The following IGFBPL1 variants were observed in gnomAD, a reference collection of about 807,000 sequenced individuals.
IGFBPL1 encodes insulin like growth factor binding protein like 1, also known as insulin-like growth factor-binding protein-like 1.
IGFBPL1 carries 20 observed loss-of-function variants against 23.9 expected under a neutral mutation model. The ratio of observed to expected loss-of-function variants is 0.84; its 90% CI spans 0.59 to 1.22. The LOEUF (loss-of-function observed/expected upper bound fraction) is 1.22. Among genes scored for constraint, IGFBPL1 ranks in the 50% most tolerant of loss-of-function variants. The pLI, the probability that IGFBPL1 is intolerant of heterozygous loss-of-function variation, is 0.00. For synonymous variants in IGFBPL1, 184 were observed against 171.8 expected, an observed-to-expected ratio of 1.07 and a Z score of -0.56; for missense variants, 436 against 379.3, an observed-to-expected ratio of 1.15 and a Z score of -1.24.
chr9:38,410,354 G>T lies in IGFBPL1; in HGVS notation c.*9+1037C>A, dbSNP rs561319571. Among the ~76,000 whole-genome samples, 12 of 152,186 alleles carry T rather than the reference G, an allele frequency of 7.9e-5. 1 individual carries two copies. In the East Asian group the frequency reaches 2.3e-3, roughly 29 times the overall value. ...AAAAATTAGCCAGGTGTGGTGGCGG[G>T]TGCCTGTAGTCCCAGCTACTCGGGA... On this transcript the variant is annotated intron_variant, in intron 4 of 4. Transcript: ENST00000377694.
At position 38,424,242 on chromosome 9, in the gene IGFBPL1, G is replaced by T. The variant is rs1002964221; in HGVS notation, c.183C>A (p.Asp61Glu). The change falls in exon 1 of 5, where the codon GAC becomes GAA. Residue 61 changes from aspartate to glutamate, a missense_variant. Asp to Glu is a conservative substitution (Grantham distance 45). Coordinates refer to ENST00000377694, the MANE Select transcript of IGFBPL1 (RefSeq NM_001007563.3). Reference sequence around the variant, plus strand: ...GGCAGCGGGCGCAGCAGCCGCACTCGTCGAGCGCCGAGATCCCGGGCGCCG... The same window carrying T: ...GGCAGCGGGCGCAGCAGCCGCACTCTTCGAGCGCCGAGATCCCGGGCGCCG... Reference protein sequence around the residue: ...PCPAPGISALDECGCCARCLG... With the variant: ...PCPAPGISALEECGCCARCLG... 45 of 1,213,426 alleles carry T rather than the reference G, an allele frequency of 3.7e-5. No homozygotes were observed. Among genetic ancestry groups the T allele is most frequent in the Non-Finnish European group, 4.3e-5 (42 of 976,670 alleles). 75.2% of individuals were successfully genotyped at this position (1,213,426 alleles called of 1,614,324 possible). A position where few individuals can be genotyped will look rare whatever the true frequency, so the allele number is the denominator to read the frequency against.
Position 38,408,058 on chromosome 9 carries a change from C to CT in IGFBPL1, c.*1168dup, listed in dbSNP as rs1035005349. ...ACAGTCTGGAGATAACACCTGACCC[C>CT]TTTTTTTACAATTTGATCGTCAGAA... On this transcript the variant is annotated 3_prime_UTR_variant, in exon 5 of 5. Transcript: ENST00000377694. Among the ~76,000 whole-genome samples the CT allele has an allele frequency of 6.6e-5, 10 of 152,046 alleles. No homozygotes were observed. Among genetic ancestry groups the CT allele is most frequent in the East Asian group, 3.9e-4 (2 of 5,170 alleles).
Position 38,408,319 on chromosome 9 carries a change from T to C in IGFBPL1, c.*908A>G, listed in dbSNP as rs1420696249. On this transcript the variant is annotated 3_prime_UTR_variant, in exon 5 of 5. Coordinates refer to ENST00000377694, the MANE Select transcript of IGFBPL1 (RefSeq NM_001007563.3). ...GGGGCATGCCTGTGGTCCCAGCTAC[T>C]CAGGAGGCTGAGGTGGAACGATCAC... Among the ~76,000 whole-genome samples, 1 of 145,918 alleles carries C rather than the reference T, an allele frequency of 6.9e-6. No individual in the cohort carries two copies. Among genetic ancestry groups the C allele is most frequent in the African/African-American group, 2.5e-5 (1 of 39,504 alleles).
chr9:38,414,305 C>T lies in IGFBPL1; in HGVS notation c.461-102G>A, dbSNP rs143633629. The T allele has an allele frequency of 1.7e-4, 115 of 664,588 alleles. No homozygotes were observed. The African/African-American group carries it at 1.9e-3, about 11-fold the overall frequency. The allele number at this position is 664,588 out of a possible 1,614,324, so 41.2% of individuals were successfully genotyped here. A position where few individuals can be genotyped will look rare whatever the true frequency, so the allele number is the denominator to read the frequency against. On this transcript the variant is annotated intron_variant, in intron 1 of 4. Coordinates refer to ENST00000377694, the MANE Select transcript of IGFBPL1 (RefSeq NM_001007563.3). The stretch of plus-strand genomic sequence containing the variant: ...CGGAGAGCCCGCTGTGATGTCCTGA[C>T]ATGAGGGGAGCGGCACATCACGCTT...
rs1393286963 is a variant in IGFBPL1, at chr9:38,408,754, T to C, written c.*473A>G. On this transcript the variant is annotated 3_prime_UTR_variant, in exon 5 of 5. Coordinates refer to ENST00000377694, the MANE Select transcript of IGFBPL1 (RefSeq NM_001007563.3). ...CCAGTTAAAATGCCATACTCACAGA[T>C]GAAGGGACCAGGGCCCAGAGAGGGG... Among the ~76,000 whole-genome samples the C allele has an allele frequency of 2.0e-5, 3 of 152,160 alleles. No individual in the cohort carries two copies. The highest frequency in any genetic ancestry group is 7.2e-5 in the African/African-American group (3 of 41,426).
chr9:38,409,728 A>G (rs929775306), intron 4 of IGFBPL1, among the ~76,000 whole-genome samples: 3 of 152,192 alleles, frequency 2.0e-5, no homozygotes, highest in Non-Finnish European at 4.4e-5. Context: ...CAGGAAGACA[A>G]TTTTAAGACC....
rs1398328644 is a variant in IGFBPL1 at position 38,408,256 on chromosome 9, A to G, written c.*971T>C. Among the ~76,000 whole-genome samples the G allele has an allele frequency of 9.8e-6, 1 of 102,508 alleles. No homozygotes were observed. Among genetic ancestry groups the G allele is most frequent in the East Asian group, 6.3e-4 (1 of 1,580 alleles). The allele number at this position is 102,508 out of a possible 152,430, so 67.2% of individuals were successfully genotyped here. A position where few individuals can be genotyped will look rare whatever the true frequency, so the allele number is the denominator to read the frequency against. On this transcript the variant is annotated 3_prime_UTR_variant, in exon 5 of 5. Transcript: ENST00000377694. The stretch of plus-strand genomic sequence containing the variant: ...ACATAGGGAGACCCTGTCTCTACAA[A>G]AAAAAAAAAAAAAAAAAAAAAAATA...
rs1015503604 is a variant in IGFBPL1 at position 38,422,659 on chromosome 9, C to T, written c.460+1306G>A. 2.6e-5 allele frequency among the ~76,000 whole-genome samples: 4 copies of T among 152,300 alleles called. No homozygotes were observed. The East Asian group carries it at 7.7e-4, about 29-fold the overall frequency. On this transcript the variant is annotated intron_variant, in intron 1 of 4. Coordinates refer to ENST00000377694, the MANE Select transcript of IGFBPL1 (RefSeq NM_001007563.3). ...GGAGCCAGCGGCAGCACAGATGCAC[C>T]CCCAGCCAGCTCTGTCCTCCATGGG...
At chr9:38,412,146 T>C (rs878978923) in intron 3 of IGFBPL1, among the ~76,000 whole-genome samples, 2 of 152,156 alleles carry the variant, frequency 1.3e-5, no homozygotes, top group Admixed American at 1.3e-4. Context: ...CATAACCAGC[T>C]CGCGTCTTTT....
intron 1 of IGFBPL1, among the ~76,000 whole-genome samples, chr9:38,416,494 G>GTATT (rs919390951): frequency 4.6e-5 from 7 of 152,034 alleles, no homozygotes; most frequent in African/African-American, 1.2e-4. Context: ...ATTTAAATTT[G>GTATT]TATTTATTTA....
In IGFBPL1 at chr9:38,413,292, A is replaced by G; in HGVS notation, c.632T>C (p.Ile211Thr). Residue 211 changes from isoleucine to threonine, a missense_variant, in exon 3 of 5, where the codon ATA becomes ACA. Ile to Thr is a moderately conservative substitution (Grantham distance 89, BLOSUM62 -1). Coordinates refer to ENST00000377694, the MANE Select transcript of IGFBPL1 (RefSeq NM_001007563.3). ...AGGGCCCCCTCGCACTTGGACAGCTATATTGACATGGTCCCCAGGCAGCTC... is the reference window on the plus strand; with the variant it reads ...AGGGCCCCCTCGCACTTGGACAGCTGTATTGACATGGTCCCCAGGCAGCTC... ...LEELPGDHVN[I>T]AVQVRGGPSD... 6.2e-7 allele frequency: 1 copy of G among 1,614,136 alleles called. No homozygotes were observed. Among genetic ancestry groups the G allele is most frequent in the Non-Finnish European group, 8.5e-7 (1 of 1,180,002 alleles).
intron 1 of IGFBPL1, among the ~76,000 whole-genome samples, chr9:38,421,581 A>G (rs562108751): frequency 1.3e-5 from 2 of 152,136 alleles, no homozygotes; most frequent in East Asian, 3.9e-4. Flanking sequence ...AGGAGGGGTG[A>G]TTTTATCATG....
intron 1 of IGFBPL1, among the ~76,000 whole-genome samples, chr9:38,419,716 C>A (rs1172628646): frequency 6.6e-6 from 1 of 152,124 alleles, no homozygotes; most frequent in African/African-American, 2.4e-5. Context: ...GTAATGAGAG[C>A]AATAATAATC....
chr9:38,410,267 A>G (rs7848277), intron 4 of IGFBPL1, among the ~76,000 whole-genome samples: 5 of 151,816 alleles, frequency 3.3e-5, no homozygotes, highest in African/African-American at 4.8e-5. Context: ...CGGATCATGA[A>G]GTCGGGAGAT....
Position 38,412,924 on chromosome 9 carries a change from C to T in IGFBPL1, c.687+313G>A, listed in dbSNP as rs532929702. On this transcript the variant is annotated intron_variant, in intron 3 of 4. Coordinates refer to ENST00000377694, the MANE Select transcript of IGFBPL1 (RefSeq NM_001007563.3). Reference sequence around the variant, plus strand: ...GCCCACCCGGATAATCCAGGCTAATCTCCTTATCTTAAATCTCCTTATCTC... The same window carrying T: ...GCCCACCCGGATAATCCAGGCTAATTTCCTTATCTTAAATCTCCTTATCTC... Among the ~76,000 whole-genome samples the T allele has an allele frequency of 2.9e-4, 44 of 152,338 alleles. No individual in the cohort carries two copies. In the South Asian group the frequency reaches 8.7e-3, roughly 30 times the overall value.
At position 38,424,139 on chromosome 9, in the gene IGFBPL1, C is replaced by T. The variant is rs1587418983; in HGVS notation, c.286G>A (p.Ala96Thr). The change falls in exon 1 of 5, where the codon GCT becomes ACT. Residue 96 changes from alanine to threonine, a missense_variant. Transcript: ENST00000377694. ...CCGGTGCCCTCGGGCGCTGCCCCAG[C>T]GGCCTGGCTCGCGCATACCAGGCCG... Reference protein sequence around the residue: ...GPGLVCASQAAGAAPEGTGLC... With the variant: ...GPGLVCASQATGAAPEGTGLC... 1 of 1,237,738 alleles carries T rather than the reference C, an allele frequency of 8.1e-7. No individual in the cohort carries two copies. Among genetic ancestry groups the T allele is most frequent in the South Asian group, 3.0e-5 (1 of 33,210 alleles). The allele number at this position is 1,237,738 out of a possible 1,614,324, so 76.7% of individuals were successfully genotyped here.
At chr9:38,416,993 T>G (rs138466261) in intron 1 of IGFBPL1, among the ~76,000 whole-genome samples, 1 of 152,180 alleles carries the variant, frequency 6.6e-6, no homozygotes, top group Non-Finnish European at 1.5e-5. Flanking sequence ...CTGTTTTTAA[T>G]TTTAACATAT....
Position 38,414,221 on chromosome 9 carries a change from G to A in IGFBPL1, c.461-18C>T. The A allele has an allele frequency of 6.6e-7, 1 of 1,509,018 alleles. No homozygotes were observed. Among genetic ancestry groups the A allele is most frequent in the Middle Eastern group, 1.7e-4 (1 of 5,730 alleles). The allele number at this position is 1,509,018 out of a possible 1,614,324, so 93.5% of individuals were successfully genotyped here. ...CACAGGAGCTAGGAGGAGGAGACAA[G>A]GAGACGCAGCCTTTACCCTGCAGGG... On this transcript the variant is annotated intron_variant, in intron 1 of 4. Transcript: ENST00000377694.
intron 1 of IGFBPL1, among the ~76,000 whole-genome samples, chr9:38,419,866 T>TCCTCCTCCTCCC: frequency 5.0e-5 from 3 of 60,186 alleles, no homozygotes; most frequent in Non-Finnish European, 9.5e-5. Context: ...CTCCTCCCCC[T>TCCTCCTCCTCCC]CCTCCTCCTC....
Sources: allele counts gnomAD v4.1 joint callset (sites outside exome capture counted in the v4.1 genomes callset), GRCh38; gene constraint gnomAD v4.1.1; transcripts MANE v1.5; gene names NCBI Gene and HGNC (gene_info 2026-07-23, HGNC 2026-07-21).